Variants in PCDHA5 observed in about 807,000 individuals in gnomAD.
The protein encoded by PCDHA5 is protocadherin alpha 5.
A neutral mutation model predicts 61.6 loss-of-function variants in PCDHA5; 43 were observed. That is an observed-to-expected ratio of 0.70 (90% CI 0.55 to 0.90). The LOEUF (loss-of-function observed/expected upper bound fraction) is 0.90. Ranked by LOEUF, PCDHA5 falls within the 40% of genes least tolerant of loss-of-function variation. PCDHA5 has a pLI of 0.00. For missense variants in PCDHA5, 1,298 were observed against 1,222.7 expected, an observed-to-expected ratio of 1.06 and a Z score of -0.92; for synonymous variants, 627 against 543.9, an observed-to-expected ratio of 1.15 and a Z score of -2.13.
At chr5:140,983,481 T>A (rs782574681) in intron 3 of PCDHA5, among the ~76,000 whole-genome samples, 2 of 152,226 alleles carry the variant, frequency 1.3e-5, no homozygotes, top group Non-Finnish European at 2.9e-5. Context: ...TAATAGTAGT[T>A]ACTAATTATT....
rs2150160526 is a variant in PCDHA5 at position 140,828,906 on chromosome 5, G to C, written c.2352+4779G>C. The C allele has an allele frequency of 2.8e-5, 45 of 1,614,124 alleles. No homozygotes were observed. The highest frequency in any genetic ancestry group is 3.6e-5 in the Non-Finnish European group (42 of 1,180,056). The stretch of plus-strand genomic sequence containing the variant: ...CTGAATGCTTCTGATCGGGATGAAG[G>C]AGCGAATGGGGCAATTTCATATTCT... On this transcript the variant is annotated intron_variant, in intron 1 of 3. Coordinates refer to ENST00000529859, the MANE Select transcript of PCDHA5 (RefSeq NM_018908.3).
chr5:140,849,774 G>A lies in PCDHA5; in HGVS notation c.2352+25647G>A, dbSNP rs2150449369. On this transcript the variant is annotated intron_variant, in intron 1 of 3. Transcript: ENST00000529859. ...GTCCGCCTACGAGCTGGTGGTTACC[G>A]CGCGGGACGGGGGCTCGCCTTCACT... 3 of 1,598,480 alleles carry A rather than the reference G, an allele frequency of 1.9e-6. No individual in the cohort carries two copies. In the South Asian group the frequency reaches 3.3e-5, roughly 18 times the overall value.
At chr5:140,828,379 C>A in intron 1 of PCDHA5, 2 of 1,614,236 alleles carry the variant, frequency 1.2e-6, no homozygotes, top group Non-Finnish European at 1.7e-6. Flanking sequence ...AGGAGCTGTG[C>A]GGGCGGAGCG....
At chr5:140,953,530 C>T (rs923959885) in intron 1 of PCDHA5, among the ~76,000 whole-genome samples, 3 of 152,158 alleles carry the variant, frequency 2.0e-5, no homozygotes, top group Admixed American at 6.5e-5. Context: ...ACGGGAAACT[C>T]ACTTCATGCT....
chr5:140,863,136 G>A (rs1554157813), intron 1 of PCDHA5: 5 of 603,754 alleles, frequency 8.3e-6, no homozygotes, highest in South Asian at 5.5e-5. Context: ...ACCGCCTGCT[G>A]GTGCTGGTGA....
intron 3 of PCDHA5, among the ~76,000 whole-genome samples, chr5:140,999,978 G>A (rs980753359): frequency 5.9e-5 from 9 of 151,942 alleles, no homozygotes; most frequent in South Asian, 2.1e-4. Flanking sequence ...CAGCTCTAGC[G>A]GCCTCTGGGT....
At chr5:140,924,944 T>TA (rs11334471) in intron 1 of PCDHA5, among the ~76,000 whole-genome samples, 37 of 142,946 alleles carry the variant, frequency 2.6e-4, no homozygotes, top group Non-Finnish European at 4.2e-4. Context: ...AATAAAAAGT[T>TA]AAAAAAAAAA....
At chr5:140,906,713 G>A (rs1554192665) in intron 1 of PCDHA5, among the ~76,000 whole-genome samples, 1 of 152,160 alleles carries the variant, frequency 6.6e-6, no homozygotes, top group Non-Finnish European at 1.5e-5. Flanking sequence ...AGTCCTGCCT[G>A]GATTGTGCTG....
At chr5:140,959,548 A>G (rs1554224134) in intron 1 of PCDHA5, among the ~76,000 whole-genome samples, 2 of 152,194 alleles carry the variant, frequency 1.3e-5, no homozygotes, top group Non-Finnish European at 2.9e-5. Flanking sequence ...ATGCTGTATA[A>G]ATAGAATCAG....
At chr5:140,871,408 A>C (rs1053262394) in intron 1 of PCDHA5, 2 of 1,613,986 alleles carry the variant, frequency 1.2e-6, no homozygotes, top group African/African-American at 2.7e-5. Flanking sequence ...GACGGACCTC[A>C]TGGCCTTCAG....
chr5:140,850,840 C>A (rs2150500104), intron 1 of PCDHA5: 2 of 1,597,492 alleles, frequency 1.3e-6, no homozygotes, highest in Non-Finnish European at 1.7e-6. Context: ...TGTGCTGGAT[C>A]TACAGAGCGA....
At chr5:140,992,023 G>C (rs1415968916) in intron 3 of PCDHA5, among the ~76,000 whole-genome samples, 2 of 148,226 alleles carry the variant, frequency 1.3e-5, no homozygotes, top group African/African-American at 4.9e-5. Flanking sequence ...GGCTCTGTGT[G>C]TGTGTGTGTG....
intron 1 of PCDHA5, among the ~76,000 whole-genome samples, chr5:140,898,272 A>T (rs13177412): frequency 6.6e-6 from 1 of 152,110 alleles, no homozygotes; most frequent in Non-Finnish European, 1.5e-5. Flanking sequence ...CCCATGCCTA[A>T]GTTCTGAATG....
intron 1 of PCDHA5, among the ~76,000 whole-genome samples, chr5:140,952,415 C>T (rs138050953): frequency 7.9e-4 from 120 of 152,134 alleles, no homozygotes; most frequent in Admixed American, 1.6e-3. Context: ...TTTAATGTTC[C>T]GCAGATTCCT....
At chr5:140,892,758 A>G (rs936927643) in intron 1 of PCDHA5, among the ~76,000 whole-genome samples, 2 of 152,210 alleles carry the variant, frequency 1.3e-5, no homozygotes, top group Non-Finnish European at 2.9e-5. Flanking sequence ...AACATTTAAA[A>G]TCCACTCTTC....
At chr5:140,836,172 G>C (rs2150254671) in intron 1 of PCDHA5, 1 of 1,613,884 alleles carries the variant, frequency 6.2e-7, no homozygotes, top group East Asian at 2.2e-5. Flanking sequence ...GGTACGTGCA[G>C]TTGACGCTGA....
At chr5:140,896,673 G>A (rs962137649) in intron 1 of PCDHA5, among the ~76,000 whole-genome samples, 12 of 152,000 alleles carry the variant, frequency 7.9e-5, no homozygotes, top group Admixed American at 2.6e-4. Context: ...CACTGTGCCC[G>A]GCCCTTTGCC....
At chr5:140,906,917 C>T (rs2073040753) in intron 1 of PCDHA5, among the ~76,000 whole-genome samples, 1 of 152,114 alleles carries the variant, frequency 6.6e-6, no homozygotes, top group Non-Finnish European at 1.5e-5. Context: ...AGGAGGAGCC[C>T]AAAAAGTGTC....
At chr5:140,958,278 T>A (rs1445019557) in intron 1 of PCDHA5, among the ~76,000 whole-genome samples, 1 of 152,090 alleles carries the variant, frequency 6.6e-6, no homozygotes, top group Non-Finnish European at 1.5e-5. Flanking sequence ...GAAGTATATA[T>A]TTTAAATATT....
Sources: allele counts gnomAD v4.1 joint callset (sites outside exome capture counted in the v4.1 genomes callset), GRCh38; gene constraint gnomAD v4.1.1; transcripts MANE v1.5; gene names NCBI Gene and HGNC (gene_info 2026-07-23, HGNC 2026-07-21).